The following BBS9 variants were observed in gnomAD, a reference collection of about 807,000 sequenced individuals.
The protein encoded by BBS9 is protein PTHB1.
A neutral mutation model predicts 117.7 loss-of-function variants in BBS9; 89 were observed. That is an observed-to-expected ratio of 0.76 (90% CI 0.64 to 0.90). The LOEUF is 0.90. Ranked by LOEUF, BBS9 falls within the 40% of genes least tolerant of loss-of-function variation. The probability of loss-of-function intolerance (pLI) is 0.00; values close to 1 mark genes in which losing one functional copy is unlikely to be tolerated. For synonymous variants in BBS9, 379 were observed against 370.9 expected (o/e 1.02, Z -0.25); for missense variants, 982 against 1,042.2 (o/e 0.94, Z 0.80).
chr7:33,143,145 A>G (rs1791785301), intron 1 of BBS9, among the ~76,000 whole-genome samples: 1 of 151,932 alleles, frequency 6.6e-6, no homozygotes, highest in Non-Finnish European at 1.5e-5. Context: ...AAGTTTTTAT[A>G]TTTTTAGTAG....
chr7:33,289,449 G>A (rs1163045879), intron 9 of BBS9, among the ~76,000 whole-genome samples: 1 of 152,148 alleles, frequency 6.6e-6, no homozygotes. Flanking sequence ...TTTAAGGACA[G>A]TGTTATGTAA....
chr7:33,311,184 C>T (rs988874215), intron 9 of BBS9, among the ~76,000 whole-genome samples: 2 of 152,042 alleles, frequency 1.3e-5, no homozygotes, highest in African/African-American at 4.8e-5. Context: ...TGGAAGATGA[C>T]CACTTCAGAT....
intron 21 of BBS9, among the ~76,000 whole-genome samples, chr7:33,573,210 T>G (rs934381734): frequency 3.3e-5 from 5 of 152,106 alleles, no homozygotes; most frequent in African/African-American, 1.2e-4. Flanking sequence ...AATAAGCAAT[T>G]TCTCCTGGTT....
intron 21 of BBS9, among the ~76,000 whole-genome samples, chr7:33,632,093 T>C (rs1054714415): frequency 3.3e-5 from 5 of 152,118 alleles, no homozygotes; most frequent in African/African-American, 1.2e-4. Context: ...GTGCCAGGAA[T>C]GTAATGGAAT....
chr7:33,499,858 G>A (rs959026369), intron 19 of BBS9, among the ~76,000 whole-genome samples: 2 of 152,092 alleles, frequency 1.3e-5, no homozygotes, highest in Non-Finnish European at 2.9e-5. Flanking sequence ...TTCAATAAAT[G>A]TTGACAATTA....
chr7:33,391,349 T>G (rs1005323615), intron 19 of BBS9, among the ~76,000 whole-genome samples: 20 of 151,772 alleles, frequency 1.3e-4, no homozygotes, highest in African/African-American at 4.4e-4. Context: ...CTGTTTAGCG[T>G]TTTTTTTCCT....
chr7:33,494,153 A>T (rs1844407150), intron 19 of BBS9, among the ~76,000 whole-genome samples: 1 of 152,020 alleles, frequency 6.6e-6, no homozygotes, highest in Non-Finnish European at 1.5e-5. Flanking sequence ...GCCCCCAGGG[A>T]GACATTTGAC....
chr7:33,368,274 G>A (rs889611819), intron 17 of BBS9, among the ~76,000 whole-genome samples: 1 of 152,112 alleles, frequency 6.6e-6, no homozygotes, highest in Non-Finnish European at 1.5e-5. Flanking sequence ...ATATATTCTT[G>A]TTTATTCATT....
chr7:33,167,419 T>G (rs1312379195), intron 4 of BBS9, among the ~76,000 whole-genome samples: 1 of 151,574 alleles, frequency 6.6e-6, no homozygotes, highest in Non-Finnish European at 1.5e-5. Flanking sequence ...TTTTTTTTTT[T>G]TGAAATGGAG....
At chr7:33,312,372 T>A (rs1335732210) in intron 9 of BBS9, among the ~76,000 whole-genome samples, 1 of 152,218 alleles carries the variant, frequency 6.6e-6, no homozygotes, top group African/African-American at 2.4e-5. Context: ...GTAATAGTGT[T>A]GCATTAAAAA....
chr7:33,301,967 G>A (rs1034036931), intron 9 of BBS9, among the ~76,000 whole-genome samples: 7 of 151,976 alleles, frequency 4.6e-5, no homozygotes, highest in South Asian at 4.1e-4. Flanking sequence ...GATAAAAGTC[G>A]TTTTATCTGA....
At chr7:33,369,271 G>T (rs1247704588) in intron 17 of BBS9, among the ~76,000 whole-genome samples, 1 of 152,074 alleles carries the variant, frequency 6.6e-6, no homozygotes, top group Non-Finnish European at 1.5e-5. Context: ...TTTGACTGCA[G>T]TTGATGGTGC....
At chr7:33,432,601 T>C (rs1834681256) in intron 19 of BBS9, among the ~76,000 whole-genome samples, 1 of 152,202 alleles carries the variant, frequency 6.6e-6, no homozygotes, top group South Asian at 2.1e-4. Context: ...GACAACTTTA[T>C]CTCTTTGTTG....
intron 19 of BBS9, among the ~76,000 whole-genome samples, chr7:33,502,450 T>C (rs557773241): frequency 6.6e-6 from 1 of 152,304 alleles, no homozygotes; most frequent in East Asian, 1.9e-4. Flanking sequence ...ATGGATACAA[T>C]AGGCATAAAT....
chr7:33,355,815 G>T (rs1227780633), intron 15 of BBS9, among the ~76,000 whole-genome samples: 2 of 151,856 alleles, frequency 1.3e-5, no homozygotes, highest in African/African-American at 4.8e-5. Context: ...CTCTGGGTTC[G>T]TGGAGATGTA....
intron 5 of BBS9, among the ~76,000 whole-genome samples, chr7:33,188,111 T>TGTGTGTGTGTGTGTGTGTGTGGGG (rs1783443171): frequency 2.0e-4 from 1 of 5,000 alleles, no homozygotes; most frequent in African/African-American, 7.4e-4. Flanking sequence ...TGTGTGTGTG[T>TGTGTGTGTGTGTGTGTGTGTGGGG]GGCGGGTGGG....
Position 33,556,742 on chromosome 7 carries a change from T to C in BBS9, c.2521+22566T>C, listed in dbSNP as rs1855354035. Among the ~76,000 whole-genome samples the C allele has an allele frequency of 3.9e-5, 6 of 152,212 alleles. No individual in the cohort carries two copies. In the South Asian group the frequency reaches 1.2e-3, roughly 32 times the overall value. ...TTTGCTGGAGTCCTTGGTGGGCATC[T>C]GAGAACATCACAGAACTGCTCTAAG... On this transcript the variant is annotated intron_variant, in intron 21 of 22. Transcript: ENST00000242067.
At chr7:33,485,863 A>G (rs1843046724) in intron 19 of BBS9, among the ~76,000 whole-genome samples, 1 of 152,194 alleles carries the variant, frequency 6.6e-6, no homozygotes, top group Non-Finnish European at 1.5e-5. Flanking sequence ...CTTTGCTGGA[A>G]TGGAGATAGC....
At chr7:33,244,537 G>A (rs894799173) in intron 5 of BBS9, among the ~76,000 whole-genome samples, 2 of 152,138 alleles carry the variant, frequency 1.3e-5, no homozygotes, top group East Asian at 1.9e-4. Flanking sequence ...TATGGGTGCT[G>A]GGGGAAGTTG....
Sources: allele counts gnomAD v4.1 joint callset (sites outside exome capture counted in the v4.1 genomes callset), GRCh38; gene constraint gnomAD v4.1.1; transcripts MANE v1.5; gene names NCBI Gene and HGNC (gene_info 2026-07-23, HGNC 2026-07-21).